Variants in CC2D2A observed in about 807,000 individuals in gnomAD.
The protein encoded by CC2D2A is coiled-coil and C2 domain containing 2A, also known as coiled-coil and C2 domain-containing protein 2A.
CC2D2A carries 155 observed loss-of-function variants against 212.9 expected under a neutral mutation model. That is an observed-to-expected ratio of 0.73 (90% confidence interval 0.64 to 0.83). The LOEUF (loss-of-function observed/expected upper bound fraction) is 0.83. Among genes scored for constraint, CC2D2A ranks in the 40% least tolerant of loss-of-function variants. CC2D2A has a pLI of 0.00. For synonymous variants in CC2D2A, 667 were observed against 686.5 expected (o/e 0.97, Z 0.44); for missense variants, 1,856 against 1,956.2 (o/e 0.95, Z 0.97).
rs71179633 is a variant in CC2D2A, at chr4:15,500,099, G to GTA, written c.248-2329_248-2328insAT. 3.1e-3 allele frequency among the ~76,000 whole-genome samples: 213 copies of GTA among 69,702 alleles called. 1 individual carries two copies. The highest frequency in any genetic ancestry group is 5.8e-3 in the Non-Finnish European group (167 of 28,794). 45.7% of individuals were successfully genotyped at this position (69,702 alleles called of 152,430 possible). A position where few individuals can be genotyped will look rare whatever the true frequency, so the allele number is the denominator to read the frequency against. On this transcript the variant is annotated intron_variant, in intron 4 of 36. Transcript: ENST00000424120. ...ATTGTGTGTGTGTGTGTGTGTGTGT[G>GTA]TGTGTGTGTATATATATATATATAT...
intron 29 of CC2D2A, among the ~76,000 whole-genome samples, chr4:15,575,282 C>T (rs1435123982): frequency 2.6e-5 from 4 of 152,182 alleles, no homozygotes. Context: ...CTCCAACTTA[C>T]AGAAGAGGAA....
At chr4:15,499,479 C>G (rs1715801047) in intron 4 of CC2D2A, among the ~76,000 whole-genome samples, 1 of 152,092 alleles carries the variant, frequency 6.6e-6, no homozygotes, top group African/African-American at 2.4e-5. Flanking sequence ...AAGAATCTGG[C>G]AAGAGCTACT....
At chr4:15,558,130 G>C (rs1719383720) in intron 21 of CC2D2A, among the ~76,000 whole-genome samples, 1 of 152,190 alleles carries the variant, frequency 6.6e-6, no homozygotes, top group African/African-American at 2.4e-5. Flanking sequence ...GGGCAGGCCA[G>C]TGAAACCAGA....
At chr4:15,501,048 A>G (rs551994586) in intron 4 of CC2D2A, among the ~76,000 whole-genome samples, 2 of 152,144 alleles carry the variant, frequency 1.3e-5, no homozygotes, top group South Asian at 4.2e-4. Flanking sequence ...CAGCATCATC[A>G]AACTCCTCGT....
At chr4:15,561,223 G>A (rs922255471) in intron 23 of CC2D2A, among the ~76,000 whole-genome samples, 1 of 152,166 alleles carries the variant, frequency 6.6e-6, no homozygotes, top group African/African-American at 2.4e-5. Flanking sequence ...CTAGGGGTGT[G>A]GATATAGAAA....
intron 17 of CC2D2A, 102 bp from the exon 18 acceptor site, chr4:15,550,722 G>T (rs987006801): frequency 2.4e-6 from 2 of 828,978 alleles, no homozygotes; most frequent in Non-Finnish European, 3.5e-6. Context: ...CTTAGGGCTG[G>T]AACAGTGACC....
chr4:15,529,963 T>A (rs1398497589), intron 13 of CC2D2A, among the ~76,000 whole-genome samples: 1 of 151,040 alleles, frequency 6.6e-6, no homozygotes, highest in Admixed American at 6.6e-5. Flanking sequence ...TACATACGCA[T>A]TTCTTTTTTA....
chr4:15,556,231 G>C (rs574040009), intron 20 of CC2D2A, among the ~76,000 whole-genome samples: 6 of 152,180 alleles, frequency 3.9e-5, no homozygotes, highest in Non-Finnish European at 7.3e-5. Context: ...GGTAGCCCTA[G>C]CAACACATCC....
rs1137701 is a variant in CC2D2A, at chr4:15,581,461, C to T, written c.3975+1290C>T. Reference sequence around the variant, plus strand: ...GAAATAGTGTTTGCTCTCAGGTCATCTGATAATTCCTAATGACTATAGCTG... The same window carrying T: ...GAAATAGTGTTTGCTCTCAGGTCATTTGATAATTCCTAATGACTATAGCTG... On this transcript the variant is annotated intron_variant, in intron 30 of 36. Transcript: ENST00000424120. Among the ~76,000 whole-genome samples, 3 of 152,340 alleles carry T rather than the reference C, an allele frequency of 2.0e-5. No individual in the cohort carries two copies. The East Asian group carries it at 5.8e-4, about 29-fold the overall frequency.
At chr4:15,579,912 A>T in intron 29 of CC2D2A, 56 bp from the exon 30 acceptor site, 2 of 1,389,438 alleles carry the variant, frequency 1.4e-6, no homozygotes, top group South Asian at 2.3e-5. Context: ...GAATCTGAAC[A>T]CGTACTTTCT....
chr4:15,538,200 T>C, intron 16 of CC2D2A, 63 bp downstream of exon 16: 1 of 1,459,270 alleles, frequency 6.9e-7, no homozygotes, highest in Non-Finnish European at 9.1e-7. Context: ...CGTGGGCACA[T>C]GCACACACAC....
chr4:15,561,301 T>G lies in CC2D2A; in HGVS notation c.3014+679T>G, dbSNP rs187550463. On this transcript the variant is annotated intron_variant, in intron 23 of 36. Coordinates refer to ENST00000424120, the MANE Select transcript of CC2D2A (RefSeq NM_001378615.1). Reference sequence around the variant, plus strand: ...ACATGACCTTTTCTGTGATTAAGTCTCTTGGTCTCCTAAAAAGGTTTTTTC... The same window carrying G: ...ACATGACCTTTTCTGTGATTAAGTCGCTTGGTCTCCTAAAAAGGTTTTTTC... Among the ~76,000 whole-genome samples, 15 of 152,250 alleles carry G rather than the reference T, an allele frequency of 9.9e-5. No homozygotes were observed. The East Asian group carries it at 2.9e-3, about 29-fold the overall frequency.
Position 15,497,831 on chromosome 4 carries a change from CATTTTA to C in CC2D2A, c.248-4596_248-4591del, listed in dbSNP as rs1358130276. Among the ~76,000 whole-genome samples, 10 of 150,380 alleles carry C rather than the reference CATTTTA, an allele frequency of 6.6e-5. No homozygotes were observed. In the East Asian group the frequency reaches 1.9e-3, roughly 29 times the overall value. ...AGAATGCCTATTCATGTGTTCTGCA[CATTTTA>C]AAAGCAGGATCTTTGTGGTATATGG... On this transcript the variant is annotated intron_variant, in intron 4 of 36. Coordinates refer to ENST00000424120, the MANE Select transcript of CC2D2A (RefSeq NM_001378615.1).
At chr4:15,550,409 T>C (rs1718936155) in intron 17 of CC2D2A, among the ~76,000 whole-genome samples, 2 of 152,334 alleles carry the variant, frequency 1.3e-5, no homozygotes, top group Admixed American at 1.3e-4. Context: ...ACTTGGAGAT[T>C]GGTGCAGATA....
intron 17 of CC2D2A, among the ~76,000 whole-genome samples, chr4:15,549,445 C>T (rs538498883): frequency 1.3e-5 from 2 of 152,248 alleles, no homozygotes; most frequent in South Asian, 4.1e-4. Context: ...ATCAGCCAGC[C>T]ATCTTGCAAA....
chr4:15,489,957 C>T (rs1715208167), intron 4 of CC2D2A, among the ~76,000 whole-genome samples: 1 of 152,172 alleles, frequency 6.6e-6, no homozygotes, highest in South Asian at 2.1e-4. Flanking sequence ...AGGCTTAGTG[C>T]TTGGCTCTCT....
intron 23 of CC2D2A, among the ~76,000 whole-genome samples, chr4:15,560,964 TC>T (rs1347282992): frequency 6.6e-6 from 1 of 152,162 alleles, no homozygotes; most frequent in Non-Finnish European, 1.5e-5. Context: ...TTTCCTAGTC[TC>T]CCAGTGCCAG....
chr4:15,533,172 A>G, intron 13 of CC2D2A, 21 bp from the exon 14 acceptor site: 1 of 1,567,982 alleles, frequency 6.4e-7, no homozygotes. Flanking sequence ...ATATATACTC[A>G]TGTGTTATTA....
rs1446877073 is a variant in CC2D2A at position 15,475,820 on chromosome 4, C to T, written c.-18-95C>T. Reference sequence around the variant, plus strand: ...AAGTCTACCCAGCTCAAACACTTCACTTACCATCATGGCCAGCCTCTTACA... The same window carrying T: ...AAGTCTACCCAGCTCAAACACTTCATTTACCATCATGGCCAGCCTCTTACA... On this transcript the variant is annotated intron_variant, in intron 1 of 36. Transcript: ENST00000424120. 10 of 1,019,600 alleles carry T rather than the reference C, an allele frequency of 9.8e-6. No homozygotes were observed. The African/African-American group carries it at 1.4e-4, about 15-fold the overall frequency. 63.2% of individuals were successfully genotyped at this position (1,019,600 alleles called of 1,614,324 possible). A position where few individuals can be genotyped will look rare whatever the true frequency, so the allele number is the denominator to read the frequency against.
Sources: gnomAD v4.1 joint callset for allele counts (sites outside exome capture counted in the v4.1 genomes callset) on GRCh38, gnomAD v4.1.1 for gene constraint, MANE v1.5 for transcripts, NCBI Gene and HGNC (gene_info 2026-07-23, HGNC 2026-07-21) for gene names.